EVI5: variants seen among roughly 807,000 people sequenced by gnomAD.
EVI5 encodes ecotropic viral integration site 5.
A neutral mutation model predicts 112.0 loss-of-function variants in EVI5; 73 were observed. The observed-to-expected ratio is 0.65, with a 90% CI of 0.54 to 0.79. EVI5 has a LOEUF of 0.79. Ranked by LOEUF, EVI5 falls within the 30% of genes least tolerant of loss-of-function variation. The pLI is 0.00. For synonymous variants in EVI5, 305 were observed against 319.9 expected, an observed-to-expected ratio of 0.95 and a Z score of 0.50; for missense variants, 900 against 968.8, an observed-to-expected ratio of 0.93 and a Z score of 0.94.
chr1:92,693,957 C>G, intron 8 of EVI5, 58 bp from the exon 9 acceptor site: 1 of 1,054,008 alleles, frequency 9.5e-7, no homozygotes, highest in East Asian at 2.4e-5. Flanking sequence ...ATAGTGAAAT[C>G]CAAAGACATT....
At chr1:92,630,418 GTGA>G (rs1360120637) in intron 14 of EVI5, among the ~76,000 whole-genome samples, 1 of 152,192 alleles carries the variant, frequency 6.6e-6, no homozygotes, top group Non-Finnish European at 1.5e-5. Flanking sequence ...CTGATGGCCA[GTGA>G]TGATGAGCAT....
chr1:92,756,626 A>T (rs1570791625), intron 1 of EVI5: 1 of 505,976 alleles, frequency 2.0e-6, no homozygotes, highest in East Asian at 5.4e-5. Flanking sequence ...AGTGTGTTCT[A>T]GACAGTCTCC....
chr1:92,609,087 T>C (rs1296131924), intron 16 of EVI5, among the ~76,000 whole-genome samples: 1 of 152,180 alleles, frequency 6.6e-6, no homozygotes, highest in Non-Finnish European at 1.5e-5. Flanking sequence ...CATGAGGTAG[T>C]TTTCACACTC....
At chr1:92,682,022 G>A (rs1406384520) in intron 9 of EVI5, among the ~76,000 whole-genome samples, 1 of 152,070 alleles carries the variant, frequency 6.6e-6, no homozygotes, top group Non-Finnish European at 1.5e-5. Context: ...ATGTTGCCCA[G>A]GCTGGTCTCA....
intron 1 of EVI5, among the ~76,000 whole-genome samples, chr1:92,765,728 A>G (rs939014917): frequency 6.6e-6 from 1 of 151,900 alleles, no homozygotes; most frequent in African/African-American, 2.4e-5. Flanking sequence ...TACATGAACC[A>G]CTTTGCTGTA....
chr1:92,679,347 T>C (rs146305145), intron 9 of EVI5, among the ~76,000 whole-genome samples: 5 of 152,296 alleles, frequency 3.3e-5, no homozygotes, highest in African/African-American at 1.2e-4. Context: ...ACAGAATTTA[T>C]TAAAGACTCC....
intron 18 of EVI5, among the ~76,000 whole-genome samples, chr1:92,576,674 T>A (rs1035304849): frequency 2.0e-5 from 3 of 152,166 alleles, no homozygotes; most frequent in Admixed American, 2.0e-4. Context: ...TACATACAAA[T>A]TTACCTGTAG....
At chr1:92,525,741 C>T (rs1661755056) in intron 19 of EVI5, among the ~76,000 whole-genome samples, 1 of 152,180 alleles carries the variant, frequency 6.6e-6, no homozygotes, top group South Asian at 2.1e-4. Context: ...ATGATTAGCT[C>T]ATCGGACGCT....
At chr1:92,675,994 AT>A (rs1666683033) in intron 10 of EVI5, among the ~76,000 whole-genome samples, 1 of 151,652 alleles carries the variant, frequency 6.6e-6, no homozygotes, top group Non-Finnish European at 1.5e-5. Context: ...AGCAAAGCAA[AT>A]AGCAGAGCAG....
intron 19 of EVI5, among the ~76,000 whole-genome samples, chr1:92,546,652 C>T (rs1171876477): frequency 9.2e-5 from 14 of 152,070 alleles, no homozygotes; most frequent in South Asian, 2.1e-4. Flanking sequence ...GCCGAGATCA[C>T]GCCACTGCAC....
chr1:92,669,791 A>G (rs943539455), intron 10 of EVI5, among the ~76,000 whole-genome samples: 1 of 152,140 alleles, frequency 6.6e-6, no homozygotes, highest in African/African-American at 2.4e-5. Context: ...ACTAAAATCT[A>G]CCACCTGATT....
intron 18 of EVI5, among the ~76,000 whole-genome samples, chr1:92,588,423 T>C (rs151320144): frequency 5.7e-4 from 87 of 152,334 alleles, no homozygotes; most frequent in African/African-American, 2.0e-3. Context: ...TCCTAGTAAG[T>C]AGTTCTTCCC....
intron 9 of EVI5, among the ~76,000 whole-genome samples, chr1:92,685,471 A>C (rs1001525850): frequency 1.3e-5 from 2 of 152,102 alleles, no homozygotes; most frequent in African/African-American, 4.8e-5. Context: ...AAATTGACAC[A>C]CTAACATCAC....
intron 16 of EVI5, among the ~76,000 whole-genome samples, chr1:92,610,060 T>A (rs1324716451): frequency 2.0e-5 from 3 of 152,112 alleles, no homozygotes. Flanking sequence ...TAATTTTTTT[T>A]ATTTTTAGTA....
chr1:92,575,749 A>G (rs1670981516), intron 18 of EVI5, among the ~76,000 whole-genome samples: 1 of 151,858 alleles, frequency 6.6e-6, no homozygotes, highest in Non-Finnish European at 1.5e-5. Context: ...TTTTTAGCAG[A>G]GACAGGGTTT....
intron 9 of EVI5, among the ~76,000 whole-genome samples, chr1:92,685,500 A>C (rs1222080969): frequency 6.6e-6 from 1 of 152,236 alleles, no homozygotes; most frequent in African/African-American, 2.4e-5. Context: ...GAACTAGAGA[A>C]GCAAGAGCAA....
At position 92,629,466 on chromosome 1, in the gene EVI5, A is replaced by G. The variant is rs550761835; in HGVS notation, c.1528-3532T>C. Among the ~76,000 whole-genome samples, 61 of 152,294 alleles carry G rather than the reference A, an allele frequency of 4.0e-4. 1 individual carries two copies. ...TGGAGTTTGTAATCTAGAACTTTTAAATCTGAAAGCTATAAGAAACCTGAA... is the reference window on the plus strand; with the variant it reads ...TGGAGTTTGTAATCTAGAACTTTTAGATCTGAAAGCTATAAGAAACCTGAA... On this transcript the variant is annotated intron_variant, in intron 14 of 19. Coordinates refer to ENST00000684568, the MANE Select transcript of EVI5 (RefSeq NM_001350197.2).
At chr1:92,732,587 C>T in intron 2 of EVI5, 1 of 181,520 alleles carries the variant, frequency 5.5e-6, no homozygotes, top group South Asian at 1.1e-4. Flanking sequence ...AACTTTGCCA[C>T]TTCTCTGGCC....
chr1:92,779,436 C>A (rs141784037), intron 1 of EVI5, among the ~76,000 whole-genome samples: 224 of 151,892 alleles, frequency 1.5e-3, no homozygotes, highest in Non-Finnish European at 2.7e-3. Flanking sequence ...GACGGGGAAT[C>A]GCTTGTACCC....
Sources: gnomAD v4.1 joint callset for allele counts (sites outside exome capture counted in the v4.1 genomes callset) on GRCh38, gnomAD v4.1.1 for gene constraint, MANE v1.5 for transcripts, NCBI Gene and HGNC (gene_info 2026-07-23, HGNC 2026-07-21) for gene names.